SPOCK3: variants seen among roughly 807,000 people sequenced by gnomAD.
SPOCK3 encodes SPARC (osteonectin), cwcv and kazal like domains proteoglycan 3, also known as testican-3.
In SPOCK3, 30 loss-of-function variants were observed where a neutral mutation model predicts 56.6. The ratio of observed to expected loss-of-function variants is 0.53; its 90% CI spans 0.40 to 0.72. The LOEUF is 0.72. Ranked by LOEUF, SPOCK3 falls within the 30% of genes least tolerant of loss-of-function variation. The pLI is 0.00. For synonymous variants in SPOCK3, 196 were observed against 183.3 expected, an observed-to-expected ratio of 1.07 and a Z score of -0.56; for missense variants, 527 against 530.0, an observed-to-expected ratio of 0.99 and a Z score of 0.06.
intron 3 of SPOCK3, among the ~76,000 whole-genome samples, chr4:167,034,753 A>G (rs1446916637): frequency 1.3e-5 from 2 of 152,186 alleles, no homozygotes; most frequent in Non-Finnish European, 2.9e-5. Context: ...TCTACATATA[A>G]AGCAATGTTA....
At chr4:167,058,654 A>G (rs1329778568) in intron 3 of SPOCK3, among the ~76,000 whole-genome samples, 1 of 152,156 alleles carries the variant, frequency 6.6e-6, no homozygotes, top group Non-Finnish European at 1.5e-5. Context: ...AAACTACTTT[A>G]AAGTTCATAT....
chr4:167,106,828 T>A (rs1289023052), intron 2 of SPOCK3, among the ~76,000 whole-genome samples: 1 of 150,810 alleles, frequency 6.6e-6, no homozygotes, highest in Non-Finnish European at 1.5e-5. Context: ...CCATTACAAT[T>A]GATACCACAG....
intron 2 of SPOCK3, among the ~76,000 whole-genome samples, chr4:167,104,862 C>T (rs1186442647): frequency 1.3e-5 from 2 of 149,618 alleles, no homozygotes; most frequent in African/African-American, 2.4e-5. Context: ...AAAAAAGACA[C>T]ACAATTGGGC....
chr4:166,921,066 G>C (rs1441962410), intron 4 of SPOCK3, among the ~76,000 whole-genome samples: 2 of 152,096 alleles, frequency 1.3e-5, no homozygotes, highest in African/African-American at 4.8e-5. Flanking sequence ...GCAGAAAGAA[G>C]AAAGAAACTA....
At chr4:167,151,729 C>T (rs913083085) in intron 2 of SPOCK3, among the ~76,000 whole-genome samples, 4 of 152,108 alleles carry the variant, frequency 2.6e-5, no homozygotes, top group African/African-American at 9.7e-5. Context: ...GCCACCACGC[C>T]CAGCCTCACT....
intron 6 of SPOCK3, among the ~76,000 whole-genome samples, chr4:166,853,244 T>G (rs1553988156): frequency 6.6e-6 from 1 of 152,172 alleles, no homozygotes; most frequent in Non-Finnish European, 1.5e-5. Context: ...GAAGAAGAAC[T>G]AAAACTGGTA....
At chr4:166,986,963 C>G (rs1248428779) in intron 4 of SPOCK3, among the ~76,000 whole-genome samples, 1 of 152,130 alleles carries the variant, frequency 6.6e-6, no homozygotes, top group Non-Finnish European at 1.5e-5. Flanking sequence ...TTACTGCCCT[C>G]ACCCTCTGAC....
chr4:167,161,399 G>T (rs1765291813), intron 2 of SPOCK3, among the ~76,000 whole-genome samples: 1 of 152,108 alleles, frequency 6.6e-6, no homozygotes, highest in Admixed American at 6.5e-5. Context: ...AACAGGTGCT[G>T]GAGAGGATGT....
intron 8 of SPOCK3, among the ~76,000 whole-genome samples, chr4:166,748,053 T>G (rs4331803): frequency 6.6e-6 from 1 of 151,866 alleles, no homozygotes; most frequent in African/African-American, 2.4e-5. Context: ...GAAAATGGCC[T>G]TACTGCCCAA....
At chr4:167,155,358 T>C (rs895197106) in intron 2 of SPOCK3, among the ~76,000 whole-genome samples, 2 of 152,094 alleles carry the variant, frequency 1.3e-5, no homozygotes, top group African/African-American at 4.8e-5. Context: ...CCTCAAGTGA[T>C]CCACCCGCCT....
chr4:166,738,646 A>T, intron 9 of SPOCK3, among the ~76,000 whole-genome samples: 1 of 107,826 alleles, frequency 9.3e-6, no homozygotes, highest in East Asian at 3.0e-4. Context: ...CAGTCCCCAG[A>T]GTGTGATGTT....
intron 2 of SPOCK3, among the ~76,000 whole-genome samples, chr4:167,162,136 T>G (rs890709908): frequency 3.3e-5 from 5 of 152,032 alleles, no homozygotes; most frequent in African/African-American, 1.2e-4. Flanking sequence ...TACCCTTTTG[T>G]CTAATCACAC....
intron 4 of SPOCK3, among the ~76,000 whole-genome samples, chr4:166,966,528 T>C (rs1316723850): frequency 6.6e-6 from 1 of 152,162 alleles, no homozygotes; most frequent in Non-Finnish European, 1.5e-5. Context: ...ACTCATGAGT[T>C]GAGGCTAATA....
At chr4:166,766,359 C>T (rs1362683231) in intron 7 of SPOCK3, among the ~76,000 whole-genome samples, 4 of 152,104 alleles carry the variant, frequency 2.6e-5, no homozygotes, top group Non-Finnish European at 1.5e-5. Context: ...TGAGATACAT[C>T]CCATCAATAC....
chr4:166,824,302 T>C (rs922745558), intron 6 of SPOCK3, among the ~76,000 whole-genome samples: 1 of 152,102 alleles, frequency 6.6e-6, no homozygotes, highest in East Asian at 1.9e-4. Context: ...ATCCCACTTA[T>C]AACTAAAAAA....
intron 6 of SPOCK3, among the ~76,000 whole-genome samples, chr4:166,795,226 C>T (rs367786996): frequency 1.6e-4 from 25 of 152,128 alleles, no homozygotes; most frequent in Non-Finnish European, 2.5e-4. Flanking sequence ...ACATCTGGTA[C>T]TCCTAATTTA....
intron 6 of SPOCK3, among the ~76,000 whole-genome samples, chr4:166,842,016 G>C (rs1345613955): frequency 6.6e-6 from 1 of 152,210 alleles, no homozygotes; most frequent in Non-Finnish European, 1.5e-5. Context: ...TGAAGCTGCA[G>C]ACCTTCTCAG....
chr4:167,029,561 T>C (rs1487923058), intron 3 of SPOCK3, among the ~76,000 whole-genome samples: 1 of 152,114 alleles, frequency 6.6e-6, no homozygotes. Context: ...TACAGAATTG[T>C]AGATTGTAAT....
intron 3 of SPOCK3, among the ~76,000 whole-genome samples, chr4:167,006,933 G>C (rs1386087209): frequency 6.6e-6 from 1 of 152,092 alleles, no homozygotes; most frequent in African/African-American, 2.4e-5. Context: ...CACGTCCAAG[G>C]ATTCTTTGGG....
Sources: allele counts gnomAD v4.1 joint callset (sites outside exome capture counted in the v4.1 genomes callset), GRCh38; gene constraint gnomAD v4.1.1; transcripts MANE v1.5; gene names NCBI Gene and HGNC (gene_info 2026-07-23, HGNC 2026-07-21).